The following MTMR9 variants were observed in gnomAD, a reference collection of about 807,000 sequenced individuals.
MTMR9 encodes myotubularin related protein 9, also known as myotubularin-related protein 9.
Under a neutral mutation model 69.5 loss-of-function variants are expected in MTMR9, and 39 were observed. The observed-to-expected ratio is 0.56, with a 90% CI of 0.43 to 0.73. The LOEUF (loss-of-function observed/expected upper bound fraction) is 0.73. MTMR9 is among the 30% of genes least tolerant of loss of function. The pLI, the probability that MTMR9 is intolerant of heterozygous loss-of-function variation, is 0.00. For synonymous variants in MTMR9, 354 were observed against 240.8 expected (o/e 1.47, Z -4.35); for missense variants, 900 against 671.2 (o/e 1.34, Z -3.77).
intron 1 of MTMR9, among the ~76,000 whole-genome samples, chr8:11,293,831 A>G (rs866203954): frequency 6.7e-6 from 1 of 149,988 alleles, no homozygotes; most frequent in African/African-American, 2.4e-5. Context: ...TCTTCAATTG[A>G]ATTGTCTTCG....
chr8:11,322,514 A>G, intron 9 of MTMR9, 111 bp from the exon 10 acceptor site: 2 of 873,598 alleles, frequency 2.3e-6, no homozygotes, highest in South Asian at 3.2e-5. Context: ...AGTTGTGGCA[A>G]CAAAAGAAAA....
chr8:11,310,199 G>A (rs1215059939), intron 6 of MTMR9, among the ~76,000 whole-genome samples: 1 of 152,216 alleles, frequency 6.6e-6, no homozygotes, highest in East Asian at 1.9e-4. Context: ...TAGTGGTAGT[G>A]ATGTTGAGTA....
chr8:11,310,319 T>G (rs1388731602), intron 6 of MTMR9, among the ~76,000 whole-genome samples: 1 of 152,194 alleles, frequency 6.6e-6, no homozygotes, highest in Non-Finnish European at 1.5e-5. Flanking sequence ...CACAAATTCT[T>G]GCAGAAGCTT....
chr8:11,310,680 A>C (rs1391286791), intron 6 of MTMR9, among the ~76,000 whole-genome samples: 1 of 152,208 alleles, frequency 6.6e-6, no homozygotes, highest in Non-Finnish European at 1.5e-5. Flanking sequence ...TAACAAATAC[A>C]TAATGATTTT....
rs555875271 is a variant in MTMR9, at chr8:11,325,370, C to G, written c.*2582C>G. 1.2e-3 allele frequency: 178 copies of G among 152,262 alleles called. No homozygotes were observed. Among genetic ancestry groups the G allele is most frequent in the African/African-American group, 4.1e-3 (171 of 41,552 alleles). 9.4% of individuals were successfully genotyped at this position (152,262 alleles called of 1,614,324 possible). A position where few individuals can be genotyped will look rare whatever the true frequency, so the allele number is the denominator to read the frequency against. On this transcript the variant is annotated 3_prime_UTR_variant, in exon 10 of 10. Coordinates refer to ENST00000221086, the MANE Select transcript of MTMR9 (RefSeq NM_015458.4). Reference sequence around the variant, plus strand: ...CACTCCTGAGAAGACACTCGTTAAACATTGCATCGGAGAGCTGCCTTTGAT... The same window carrying G: ...CACTCCTGAGAAGACACTCGTTAAAGATTGCATCGGAGAGCTGCCTTTGAT...
intron 1 of MTMR9, among the ~76,000 whole-genome samples, chr8:11,292,220 C>A (rs751130425): frequency 1.3e-5 from 2 of 152,102 alleles, no homozygotes; most frequent in Non-Finnish European, 2.9e-5. Flanking sequence ...TTCCATAGTT[C>A]ATTTATTCAC....
chr8:11,327,060 T>C lies in MTMR9; in HGVS notation c.*4272T>C, dbSNP rs1800968119. 6.6e-6 allele frequency: 1 copy of C among 152,144 alleles called. No homozygotes were observed. Among genetic ancestry groups the C allele is most frequent in the Non-Finnish European group, 1.5e-5 (1 of 68,016 alleles). The allele number at this position is 152,144 out of a possible 1,614,324, so 9.4% of individuals were successfully genotyped here. A position where few individuals can be genotyped will look rare whatever the true frequency, so the allele number is the denominator to read the frequency against. The stretch of plus-strand genomic sequence containing the variant: ...CTGATACTATAACTTTCTTATGGTA[T>C]CAGTTTTCTTTATTTTCTTGAATAA... On this transcript the variant is annotated 3_prime_UTR_variant, in exon 10 of 10. Coordinates refer to ENST00000221086, the MANE Select transcript of MTMR9 (RefSeq NM_015458.4).
chr8:11,284,886 A>T lies in MTMR9; in HGVS notation c.-3A>T. Reference sequence around the variant, plus strand: ...GGTTCCCTGGCTCCGGCCGCGGGGGAGCATGGAGTTTGCGGAGCTGATTAA... The same window carrying T: ...GGTTCCCTGGCTCCGGCCGCGGGGGTGCATGGAGTTTGCGGAGCTGATTAA... On this transcript the variant is annotated 5_prime_UTR_variant, in exon 1 of 10. Transcript: ENST00000221086. 1 of 1,562,684 alleles carries T rather than the reference A, an allele frequency of 6.4e-7. No homozygotes were observed. The highest frequency in any genetic ancestry group is 8.6e-7 in the Non-Finnish European group (1 of 1,156,332).
chr8:11,285,123 C>T, intron 1 of MTMR9, 53 bp downstream of exon 1: 2 of 1,455,718 alleles, frequency 1.4e-6, no homozygotes, highest in South Asian at 1.4e-5. Context: ...CCCTTGTGGG[C>T]GCCCCGGGAA....
chr8:11,302,224 G>C (rs1799768495), intron 3 of MTMR9, among the ~76,000 whole-genome samples: 1 of 120,762 alleles, frequency 8.3e-6, no homozygotes, highest in Non-Finnish European at 1.6e-5. Context: ...CTGCACTCCA[G>C]CCTGGGTGAG....
the MTMR9 span, among the ~76,000 whole-genome samples, chr8:11,336,889 T>C: frequency 6.6e-6 from 1 of 152,188 alleles, no homozygotes; most frequent in Non-Finnish European, 1.5e-5. Flanking sequence ...TGCTATTGTA[T>C]GCATCCAACT....
chr8:11,303,459 A>T (rs1327651572), intron 3 of MTMR9, among the ~76,000 whole-genome samples: 1 of 152,070 alleles, frequency 6.6e-6, no homozygotes, highest in Admixed American at 6.6e-5. Flanking sequence ...GCAAATTGGG[A>T]TGGGCTAGCA....
At chr8:11,312,049 A>G (rs1426224478) in intron 6 of MTMR9, among the ~76,000 whole-genome samples, 1 of 151,028 alleles carries the variant, frequency 6.6e-6, no homozygotes, top group Non-Finnish European at 1.5e-5. Flanking sequence ...GTTCCTAATT[A>G]TTTATTTATT....
rs774100465 is a variant in MTMR9, at chr8:11,309,591, A to G, written c.874A>G (p.Met292Val). 1.9e-6 allele frequency: 3 copies of G among 1,613,954 alleles called. 1 individual carries two copies. The South Asian group carries it at 3.3e-5, about 18-fold the overall frequency. Reference sequence around the variant, plus strand: ...AGCTTGTAATGACCAAACACATAACATGGACCGATGGCTCAGTAAATTGGA... The same window carrying G: ...AGCTTGTAATGACCAAACACATAACGTGGACCGATGGCTCAGTAAATTGGA... ...VEACNDQTHNMDRWLSKLEAS... is the reference protein window; with the variant it reads ...VEACNDQTHNVDRWLSKLEAS... Residue 292 changes from methionine (M) to valine (V), a missense_variant, in exon 6 of 10, where the codon ATG becomes GTG. Transcript: ENST00000221086.
intron 1 of MTMR9, among the ~76,000 whole-genome samples, chr8:11,288,274 ATAG>A (rs1265691136): frequency 2.2e-5 from 3 of 138,964 alleles, no homozygotes; most frequent in Non-Finnish European, 4.6e-5. Context: ...ATATTATAAT[ATAG>A]TATAATATAG....
the MTMR9 span, among the ~76,000 whole-genome samples, chr8:11,336,713 G>A: frequency 3.3e-5 from 5 of 152,284 alleles, no homozygotes; most frequent in Admixed American, 3.3e-4. Context: ...CTGTGTGCCG[G>A]TCATAAGGAA....
chr8:11,303,906 C>G (rs867473553), intron 3 of MTMR9, among the ~76,000 whole-genome samples: 1 of 152,182 alleles, frequency 6.6e-6, no homozygotes, highest in Non-Finnish European at 1.5e-5. Context: ...AAATGTGATA[C>G]TGTATCTTAT....
chr8:11,322,548 C>T, intron 9 of MTMR9, 77 bp from the exon 10 acceptor site: 1 of 1,238,062 alleles, frequency 8.1e-7, no homozygotes, highest in Non-Finnish European at 1.2e-6. Context: ...ACATAAATTA[C>T]ATCTTATCCA....
Position 11,305,024 on chromosome 8 carries a change from C to T in MTMR9, c.591+10C>T, listed in dbSNP as rs772618981. 6.2e-7 allele frequency: 1 copy of T among 1,612,476 alleles called. No homozygotes were observed. Among genetic ancestry groups the T allele is most frequent in the East Asian group, 2.2e-5 (1 of 44,848 alleles). ...CAAAAAAAATGGGATGGTAAGTGCA[C>T]AGCACTACTGCTTGATGTACTGAAA... On this transcript the variant is annotated intron_variant, in intron 4 of 9. Transcript: ENST00000221086.
Sources: gnomAD v4.1 joint callset for allele counts (sites outside exome capture counted in the v4.1 genomes callset) on GRCh38, gnomAD v4.1.1 for gene constraint, MANE v1.5 for transcripts, NCBI Gene and HGNC (gene_info 2026-07-23, HGNC 2026-07-21) for gene names.